The following LOXL4 variants were observed in gnomAD, a reference collection of about 807,000 sequenced individuals.
LOXL4 encodes lysyl oxidase homolog 4.
A neutral mutation model predicts 89.1 loss-of-function variants in LOXL4; 72 were observed. The ratio of observed to expected loss-of-function variants is 0.81; its 90% CI spans 0.67 to 0.98. The LOEUF is 0.98. Ranked by LOEUF, LOXL4 falls within the 50% of genes least tolerant of loss-of-function variation. LOXL4 has a pLI of 0.00. For missense variants in LOXL4, 984 were observed against 1,017.5 expected, an observed-to-expected ratio of 0.97 and a Z score of 0.45; for synonymous variants, 355 against 392.1, an observed-to-expected ratio of 0.91 and a Z score of 1.12.
intron 1 of LOXL4, among the ~76,000 whole-genome samples, chr10:98,265,189 C>T (rs893346748): frequency 2.2e-4 from 34 of 152,118 alleles, no homozygotes; most frequent in African/African-American, 7.5e-4. Context: ...TGCTGGGGTT[C>T]GAATCCTGCC....
At position 98,252,830 on chromosome 10, in the gene LOXL4, C is replaced by T. The variant is rs116380431; in HGVS notation, c.1836-362G>A. On this transcript the variant is annotated intron_variant, in intron 11 of 14. Coordinates refer to ENST00000260702, the MANE Select transcript of LOXL4 (RefSeq NM_032211.7). ...GAGCTGACCTGCTGGGAAGAGGGTC[C>T]CTGTAAGCCTGGGACCAAATTGCTA... is the stretch of plus-strand genomic sequence containing the variant. 1.7e-3 allele frequency among the ~76,000 whole-genome samples: 255 copies of T among 152,254 alleles called. 1 individual carries two copies. The highest frequency in any genetic ancestry group is 5.9e-3 in the African/African-American group (245 of 41,544).
At chr10:98,249,852 A>G (rs951202166) in intron 14 of LOXL4, among the ~76,000 whole-genome samples, 1 of 152,064 alleles carries the variant, frequency 6.6e-6, no homozygotes, top group Non-Finnish European at 1.5e-5. Context: ...AGCACAATCT[A>G]CTCAGCCACA....
chr10:98,252,977 T>C (rs958487283), intron 11 of LOXL4, among the ~76,000 whole-genome samples: 9 of 152,234 alleles, frequency 5.9e-5, no homozygotes, highest in African/African-American at 2.2e-4. Flanking sequence ...TCTCCACCCG[T>C]GGCTATGTTC....
chr10:98,259,315 G>T (rs1264442128), intron 5 of LOXL4, 76 bp downstream of exon 5: 19 of 1,577,364 alleles, frequency 1.2e-5, no homozygotes, highest in Non-Finnish European at 1.7e-5. Context: ...AGGAGGGAAG[G>T]GGAGGGTAGG....
chr10:98,251,489 C>A, intron 13 of LOXL4, 77 bp downstream of exon 13: 1 of 1,573,290 alleles, frequency 6.4e-7, no homozygotes, highest in Non-Finnish European at 8.6e-7. Context: ...AAATTCTTCC[C>A]TTCATTTGCC....
intron 12 of LOXL4, 172 bp from the exon 13 acceptor site, chr10:98,251,874 G>T: frequency 1.4e-6 from 1 of 736,126 alleles, no homozygotes; most frequent in Non-Finnish European, 2.1e-6. Flanking sequence ...GACAAAGATA[G>T]GATTTGTTTG....
intron 13 of LOXL4, 67 bp from the exon 14 acceptor site, chr10:98,251,243 G>T: frequency 8.5e-7 from 1 of 1,182,260 alleles, no homozygotes; most frequent in Non-Finnish European, 1.3e-6. Flanking sequence ...CTGTGGCTGT[G>T]ATAATCCTTA....
chr10:98,259,702 A>G (rs933480793), intron 4 of LOXL4, among the ~76,000 whole-genome samples: 2 of 152,078 alleles, frequency 1.3e-5, no homozygotes, highest in Non-Finnish European at 2.9e-5. Flanking sequence ...GTCCAGAGGA[A>G]GGGGAGCATT....
At chr10:98,258,931 C>T in intron 6 of LOXL4, 78 bp downstream of exon 6, 1 of 1,211,258 alleles carries the variant, frequency 8.3e-7, no homozygotes, top group African/African-American at 1.5e-5. Flanking sequence ...TGTCCTGGAC[C>T]TCCCCGCACC....
intron 1 of LOXL4, among the ~76,000 whole-genome samples, chr10:98,267,367 G>A (rs1858708017): frequency 2.0e-5 from 3 of 152,212 alleles, no homozygotes; most frequent in Admixed American, 2.0e-4. Flanking sequence ...AGGCACAGAG[G>A]CACCTGCTCC....
Position 98,262,742 on chromosome 10 carries a change from C to A in LOXL4, c.277+1G>T, listed in dbSNP as rs1412146820. ...CCCACTAGGTGGCACCAGTCACTCA[C>A]CCTCCCCTTGGCCGTACTTGGCACT... On this transcript the variant is annotated splice_donor_variant, in intron 2 of 14. Coordinates refer to ENST00000260702, the MANE Select transcript of LOXL4 (RefSeq NM_032211.7). LOFTEE classifies it high-confidence loss of function. The A allele has an allele frequency of 2.5e-6, 4 of 1,610,138 alleles. No homozygotes were observed. Among genetic ancestry groups the A allele is most frequent in the Non-Finnish European group, 3.4e-6 (4 of 1,177,596 alleles).
rs1858079189 is a variant in LOXL4, at chr10:98,247,817, T to G, written c.*1104A>C. 6.6e-6 allele frequency: 1 copy of G among 152,204 alleles called. No homozygotes were observed. The highest frequency in any genetic ancestry group is 2.1e-4 in the South Asian group (1 of 4,828). The allele number at this position is 152,204 out of a possible 1,614,324, so 9.4% of individuals were successfully genotyped here. A position where few individuals can be genotyped will look rare whatever the true frequency, so the allele number is the denominator to read the frequency against. On this transcript the variant is annotated 3_prime_UTR_variant, in exon 15 of 15. Transcript: ENST00000260702. ...TGTCAAGAAGACCATGGGGTTTTAT[T>G]CCACTTGAGCAAGAGCAAATCAGAG... is the stretch of plus-strand genomic sequence containing the variant.
At chr10:98,264,532 G>A (rs889592415) in intron 1 of LOXL4, among the ~76,000 whole-genome samples, 1 of 151,814 alleles carries the variant, frequency 6.6e-6, no homozygotes, top group Non-Finnish European at 1.5e-5. Flanking sequence ...GAGGGGCCAG[G>A]GGAGGGTTTC....
At chr10:98,249,096 T>C (rs775237996) in intron 14 of LOXL4, 105 bp from the exon 15 acceptor site, 57 of 838,156 alleles carry the variant, frequency 6.8e-5, no homozygotes, top group Non-Finnish European at 1.0e-4. Flanking sequence ...TTATATCAAG[T>C]CATGGCATGG....
At chr10:98,268,013 A>C (rs10786407) in intron 1 of LOXL4, 119 bp downstream of exon 1, 147,811 of 152,670 alleles carry the variant, frequency 0.97, 71,709 homozygotes, top group East Asian at 1. Context: ...TCCCCCATGC[A>C]CCCTAGGCCC....
chr10:98,258,191 C>T (rs778984832), intron 6 of LOXL4, 27 bp from the exon 7 acceptor site: 85 of 1,591,814 alleles, frequency 5.3e-5, no homozygotes, highest in East Asian at 1.1e-4. Flanking sequence ...GCTTCAGGGA[C>T]GGCTGAGGAG....
At position 98,259,102 on chromosome 10, in the gene LOXL4, G is replaced by A. The variant is rs1564760134; in HGVS notation, c.828C>T (p.Cys276=). 2 of 1,603,338 alleles carry A rather than the reference G, an allele frequency of 1.2e-6. No individual in the cohort carries two copies. Among genetic ancestry groups the A allele is most frequent in the Non-Finnish European group, 8.5e-7 (1 of 1,175,124 alleles). ...APARGKLRPA[C]PGGMHAVVSC... ...TGACCACAGCGTGCATGCCACCTGG[G>A]CAGGCTGGCCGCAGCTTGCCCCGGG... is the stretch of plus-strand genomic sequence containing the variant. Residue 276 remains cysteine, a synonymous_variant, in exon 6 of 15, where the codon TGC becomes TGT. Coordinates refer to ENST00000260702, the MANE Select transcript of LOXL4 (RefSeq NM_032211.7).
In LOXL4 at chr10:98,251,151, A is replaced by G; in HGVS notation, c.2114T>C (p.Val705Ala). The G allele has an allele frequency of 6.2e-7, 1 of 1,614,046 alleles. No individual in the cohort carries two copies. The highest frequency in any genetic ancestry group is 8.5e-7 in the Non-Finnish European group (1 of 1,179,932). ...FQVIVNPHYE[V>A]AESDFSNNML... is the part of the protein sequence containing the mutation. ...ATTGTTGGAGAAATCTGACTCTGCC[A>G]CTTCATAGTGGGGGTTCACAATCAC... Residue 705 changes from valine to alanine, a missense_variant, in exon 14 of 15, where the codon GTG (valine) becomes GCG (alanine). Physicochemically the swap from Val to Ala is moderately conservative, Grantham distance 64 (BLOSUM62 0). Coordinates refer to ENST00000260702, the MANE Select transcript of LOXL4 (RefSeq NM_032211.7).
In LOXL4 at chr10:98,248,876, G is replaced by T. The variant is rs749308312; in HGVS notation, c.*45C>A. ...GAAGGGCATGGCTCCAATAAGCTGA[G>T]GTATCTGGTGTATCGGCAGCAGCTA... On this transcript the variant is annotated 3_prime_UTR_variant, in exon 15 of 15. Coordinates refer to ENST00000260702, the MANE Select transcript of LOXL4 (RefSeq NM_032211.7). 1.3e-6 allele frequency: 2 copies of T among 1,541,040 alleles called. No homozygotes were observed. The highest frequency in any genetic ancestry group is 1.8e-6 in the Non-Finnish European group (2 of 1,118,496).
Sources: gnomAD v4.1 joint callset for allele counts (sites outside exome capture counted in the v4.1 genomes callset) on GRCh38, gnomAD v4.1.1 for gene constraint, MANE v1.5 for transcripts, NCBI Gene and HGNC (gene_info 2026-07-23, HGNC 2026-07-21) for gene names.